CHD1L: variants seen among roughly 807,000 people sequenced by gnomAD.
CHD1L encodes the protein ATP-dependent chromatin remodeler CHD1L.
CHD1L carries 118 observed loss-of-function variants against 115.9 expected under a neutral mutation model. The observed-to-expected ratio is 1.02, with a 90% confidence interval of 0.88 to 1.19. The LOEUF (loss-of-function observed/expected upper bound fraction) is 1.19. CHD1L is among the 50% of genes most tolerant of loss of function. The probability of loss-of-function intolerance (pLI) is 0.00; values close to 1 mark genes in which losing one functional copy is unlikely to be tolerated. For synonymous variants in CHD1L, 411 were observed against 387.1 expected, an observed-to-expected ratio of 1.06 and a Z score of -0.72; for missense variants, 1,179 against 1,065.3, an observed-to-expected ratio of 1.11 and a Z score of -1.49.
chr1:147,186,367 G>C, the CHD1L span: 1 of 940,132 alleles, frequency 1.1e-6, no homozygotes, highest in Non-Finnish European at 1.3e-6. Context: ...GAAACAAAAT[G>C]TCTTAAGCAT....
rs782806343 is a variant in CHD1L at position 147,252,709 on chromosome 1, G to A, written c.214G>A (p.Glu72Lys). The change falls in exon 2 of 23, where the codon GAG (glutamate) becomes AAG (lysine). Residue 72 changes from glutamate (E) to lysine (K), a missense_variant. Physicochemically the swap from Glu to Lys is moderately conservative, Grantham distance 56. Coordinates refer to ENST00000369258, the MANE Select transcript of CHD1L (RefSeq NM_004284.6). ...TCAGAATGGCTGTATCCTGGGAGAT[G>A]AGATGGGCCTGGGGAAGACCTGCCA... is the stretch of plus-strand genomic sequence containing the variant. ...HCQNGCILGDEMGLGKTCQTI... is the reference protein window; with the variant it reads ...HCQNGCILGDKMGLGKTCQTI... 1.2e-6 allele frequency: 2 copies of A among 1,614,018 alleles called. No homozygotes were observed. Among genetic ancestry groups the A allele is most frequent in the South Asian group, 2.2e-5 (2 of 91,036 alleles).
intron 19 of CHD1L, 148 bp downstream of exon 19, chr1:147,287,881 C>A: frequency 1.6e-6 from 1 of 631,576 alleles, no homozygotes; most frequent in Non-Finnish European, 2.7e-6. Context: ...GCTACTTGTT[C>A]TGTGACTTCA....
chr1:147,205,500 G>T, the CHD1L span, among the ~76,000 whole-genome samples: 1 of 152,120 alleles, frequency 6.6e-6, no homozygotes, highest in Non-Finnish European at 1.5e-5. Context: ...TAAATTTAGA[G>T]ACTCTCTACA....
the CHD1L span, among the ~76,000 whole-genome samples, chr1:147,228,066 A>T: frequency 6.6e-6 from 1 of 150,824 alleles, no homozygotes; most frequent in African/African-American, 2.4e-5. Flanking sequence ...CGTGCAGGTT[A>T]GTTACATATG....
the CHD1L span, among the ~76,000 whole-genome samples, chr1:147,192,770 CAT>C: frequency 6.6e-6 from 1 of 152,104 alleles, no homozygotes; most frequent in African/African-American, 2.4e-5. Flanking sequence ...TTGAGATAAT[CAT>C]GTGGTTTTTG....
chr1:147,216,688 A>C, the CHD1L span, among the ~76,000 whole-genome samples: 2 of 152,214 alleles, frequency 1.3e-5, no homozygotes, highest in Non-Finnish European at 2.9e-5. Flanking sequence ...CTGAAATTTG[A>C]GAACCACTGC....
At chr1:147,205,014 A>G in the CHD1L span, 2 of 761,266 alleles carry the variant, frequency 2.6e-6, no homozygotes, top group African/African-American at 3.4e-5. Context: ...ATGAACCTGG[A>G]GATACATTCA....
the CHD1L span, chr1:147,175,331 G>GA: frequency 2.0e-5 from 3 of 152,098 alleles, no homozygotes; most frequent in South Asian, 2.1e-4. Context: ...CCCTAAAATG[G>GA]AAAAAACATA....
At chr1:147,190,357 T>C in the CHD1L span, 1 of 682,730 alleles carries the variant, frequency 1.5e-6, no homozygotes, top group East Asian at 2.7e-5. Flanking sequence ...AGGGTAAGTT[T>C]CCTGTACTCA....
chr1:147,252,810 T>C (rs1668846910), intron 2 of CHD1L, 75 bp downstream of exon 2: 3 of 1,239,006 alleles, frequency 2.4e-6, no homozygotes, highest in Admixed American at 4.0e-5. Flanking sequence ...AGCTGAGAGC[T>C]CTGGAGCTAA....
the CHD1L span, among the ~76,000 whole-genome samples, chr1:147,207,671 C>T: frequency 6.6e-6 from 1 of 152,138 alleles, no homozygotes; most frequent in Admixed American, 6.5e-5. Context: ...GAGGCCAAAG[C>T]AACTCCATCT....
At chr1:147,203,610 C>G in the CHD1L span, 4 of 1,202,024 alleles carry the variant, frequency 3.3e-6, no homozygotes, top group Middle Eastern at 2.1e-4. Context: ...AACGCCTCAG[C>G]AAACTTCTTA....
chr1:147,228,537 G>A, the CHD1L span, among the ~76,000 whole-genome samples: 2 of 152,166 alleles, frequency 1.3e-5, no homozygotes, highest in South Asian at 2.1e-4. Context: ...TAATGGGATG[G>A]TTGGGTCAAA....
intron 17 of CHD1L, 36 bp from the exon 18 acceptor site, chr1:147,286,258 TTGTC>T (rs782312311): frequency 1.4e-4 from 223 of 1,587,900 alleles, no homozygotes; most frequent in Admixed American, 2.2e-4. Context: ...GAAATTGTGA[TTGTC>T]TGGGTTAATT....
chr1:147,178,600 T>C, the CHD1L span: 2 of 1,602,212 alleles, frequency 1.2e-6, no homozygotes, highest in East Asian at 4.5e-5. Context: ...TTTCGATGAT[T>C]CATTCAGTGA....
the CHD1L span, among the ~76,000 whole-genome samples, chr1:147,209,223 TC>T: frequency 8.6e-5 from 13 of 151,916 alleles, no homozygotes; most frequent in African/African-American, 3.1e-4. Flanking sequence ...ATCGAGACCA[TC>T]CTGGCTAACA....
At chr1:147,264,716 T>A (rs781933090) in intron 7 of CHD1L, 132 bp downstream of exon 7, 1 of 834,696 alleles carries the variant, frequency 1.2e-6, no homozygotes, top group Non-Finnish European at 1.9e-6. Context: ...AGACCGCTGA[T>A]ATTAGGGAGA....
the CHD1L span, chr1:147,186,558 C>G: frequency 9.8e-7 from 1 of 1,019,342 alleles, no homozygotes; most frequent in Non-Finnish European, 1.2e-6. Context: ...CTGACTTACT[C>G]TCCCTACCAT....
At chr1:147,236,368 G>T in the CHD1L span, among the ~76,000 whole-genome samples, 5 of 152,202 alleles carry the variant, frequency 3.3e-5, no homozygotes, top group East Asian at 9.6e-4. Context: ...TTTCAGCCCT[G>T]TTTGTGTTAC....
Sources: allele counts gnomAD v4.1 joint callset (sites outside exome capture counted in the v4.1 genomes callset), GRCh38; gene constraint gnomAD v4.1.1; transcripts MANE v1.5; gene names NCBI Gene and HGNC (gene_info 2026-07-23, HGNC 2026-07-21).